Variants in PAM observed in about 807,000 individuals in gnomAD.
PAM encodes the protein peptidyl-glycine alpha-amidating monooxygenase.
In PAM, 72 loss-of-function variants were observed where a neutral mutation model predicts 122.1. The ratio of observed to expected loss-of-function variants is 0.59; its 90% CI spans 0.49 to 0.72. The LOEUF is 0.72. PAM is among the 30% of genes least tolerant of loss of function. The probability of loss-of-function intolerance (pLI) is 0.00; values close to 1 mark genes in which losing one functional copy is unlikely to be tolerated. For synonymous variants in PAM, 389 were observed against 404.4 expected, an observed-to-expected ratio of 0.96 and a Z score of 0.46; for missense variants, 1,106 against 1,183.7, an observed-to-expected ratio of 0.93 and a Z score of 0.96.
At chr5:102,961,040 G>C (rs970446405) in intron 13 of PAM, 118 bp from the exon 14 acceptor site, 1 of 486,016 alleles carries the variant, frequency 2.1e-6, no homozygotes, top group South Asian at 2.8e-5. Flanking sequence ...TTCTTAATAC[G>C]GTAATAAGCA....
At chr5:102,936,276 C>T (rs1753224801) in intron 7 of PAM, among the ~76,000 whole-genome samples, 1 of 151,996 alleles carries the variant, frequency 6.6e-6, no homozygotes, top group African/African-American at 2.4e-5. Flanking sequence ...ACAAATAGTG[C>T]AAGTCAAAGT....
intron 10 of PAM, 74 bp downstream of exon 10, chr5:102,949,691 G>T: frequency 1.2e-6 from 1 of 823,126 alleles, no homozygotes; most frequent in Non-Finnish European, 2.1e-6. Context: ...AATGCAAATT[G>T]TGTTTGACCT....
rs189368187 is a variant in PAM at position 102,769,621 on chromosome 5, A to G, written c.-374+14273A>G. ...TTATTAAAGAGACTGTCCTTTCCCC[A>G]ATGTTTGTTCTGGGCAACTTTGTTG... On this transcript the variant is annotated intron_variant, in intron 1 of 25. Coordinates refer to ENST00000438793, the MANE Select transcript of PAM (RefSeq NM_001177306.2). 1.5e-3 allele frequency among the ~76,000 whole-genome samples: 230 copies of G among 152,094 alleles called. 2 individuals are homozygous for G. The highest frequency in any genetic ancestry group is 3.0e-3 in the Admixed American group (46 of 15,266).
At chr5:102,953,707 T>C (rs114445938) in intron 12 of PAM, among the ~76,000 whole-genome samples, 4,036 of 152,202 alleles carry the variant, frequency 0.027, 186 homozygotes, top group African/African-American at 0.092. Flanking sequence ...GAATGTCAAA[T>C]ATTTCATGAT....
chr5:102,984,752 C>T (rs965035571), intron 15 of PAM, among the ~76,000 whole-genome samples: 4 of 152,140 alleles, frequency 2.6e-5, no homozygotes, highest in Non-Finnish European at 4.4e-5. Flanking sequence ...ATTTACAGAA[C>T]ATTTTATCTA....
Position 102,975,288 on chromosome 5 carries a change from G to C in PAM, c.1483+852G>C, listed in dbSNP as rs77320435. On this transcript the variant is annotated intron_variant, in intron 15 of 25. Coordinates refer to ENST00000438793, the MANE Select transcript of PAM (RefSeq NM_001177306.2). Reference sequence around the variant, plus strand: ...TTGGAATGGCACAGGCTGCCAGCTTGATGTTTTCAAATTCAGCTTTGTAGG... The same window carrying C: ...TTGGAATGGCACAGGCTGCCAGCTTCATGTTTTCAAATTCAGCTTTGTAGG... Among the ~76,000 whole-genome samples, 650 of 152,274 alleles carry C rather than the reference G, an allele frequency of 4.3e-3. 6 individuals carry two copies. The highest frequency in any genetic ancestry group is 0.014 in the African/African-American group (573 of 41,546).
intron 7 of PAM, among the ~76,000 whole-genome samples, chr5:102,936,129 G>A (rs1246914376): frequency 6.6e-6 from 1 of 152,054 alleles, no homozygotes; most frequent in Non-Finnish European, 1.5e-5. Flanking sequence ...CTGTGTGGTG[G>A]AAATACTACA....
chr5:103,030,379 T>A (rs1786084437), downstream of PAM: 1 of 152,218 alleles, frequency 6.6e-6, no homozygotes, highest in Non-Finnish European at 1.5e-5. Flanking sequence ...ACCAGATAAT[T>A]TTCCATTTTA....
intron 4 of PAM, among the ~76,000 whole-genome samples, chr5:102,903,109 T>C (rs1240063067): frequency 2.0e-5 from 3 of 151,624 alleles, no homozygotes; most frequent in Non-Finnish European, 4.4e-5. Flanking sequence ...TTAGGCACTT[T>C]TCTTCTAAGA....
At chr5:102,960,083 A>G (rs1562040490) in intron 13 of PAM, 24 bp downstream of exon 13, 1 of 1,274,238 alleles carries the variant, frequency 7.8e-7, no homozygotes, top group Non-Finnish European at 1.1e-6. Context: ...TTTAATATAA[A>G]GTAATATATG....
At chr5:102,958,424 C>T (rs1761473023) in intron 12 of PAM, among the ~76,000 whole-genome samples, 2 of 151,940 alleles carry the variant, frequency 1.3e-5, no homozygotes, top group East Asian at 1.9e-4. Context: ...GATAATATGG[C>T]GGGAGGCTCC....
chr5:102,949,672 A>C (rs1758141918), intron 10 of PAM, 55 bp downstream of exon 10: 2 of 888,816 alleles, frequency 2.3e-6, no homozygotes, highest in Non-Finnish European at 3.8e-6. Flanking sequence ...TCCTGGTGCC[A>C]TAAATTAAAA....
intron 1 of PAM, among the ~76,000 whole-genome samples, chr5:102,809,184 T>C (rs1767111570): frequency 6.6e-6 from 1 of 152,004 alleles, no homozygotes; most frequent in South Asian, 2.1e-4. Flanking sequence ...TTTCTTCTTC[T>C]TGATTCCCAA....
At chr5:103,019,140 CGG>C (rs113979430) in intron 22 of PAM, among the ~76,000 whole-genome samples, 2 of 151,604 alleles carry the variant, frequency 1.3e-5, no homozygotes, top group African/African-American at 4.9e-5. Context: ...GATTTACCTA[CGG>C]GGGGGGACTG....
intron 5 of PAM, among the ~76,000 whole-genome samples, chr5:102,924,289 C>G (rs533560856): frequency 6.6e-6 from 1 of 151,636 alleles, no homozygotes; most frequent in Non-Finnish European, 1.5e-5. Flanking sequence ...AAAAATTAGC[C>G]GGGCATGGTG....
At chr5:102,913,700 G>A (rs972776455) in intron 4 of PAM, among the ~76,000 whole-genome samples, 1 of 151,980 alleles carries the variant, frequency 6.6e-6, no homozygotes, top group African/African-American at 2.4e-5. Flanking sequence ...AAAAATGTGT[G>A]TGTGTGTATG....
chr5:102,966,367 T>C (rs1764085865), intron 14 of PAM, among the ~76,000 whole-genome samples: 1 of 152,156 alleles, frequency 6.6e-6, no homozygotes, highest in South Asian at 2.1e-4. Flanking sequence ...ATGGTAGTTA[T>C]GAAAACCATC....
At position 102,865,966 on chromosome 5, in the gene PAM, G is replaced by C. The variant is rs13168005; in HGVS notation, c.-230G>C. On this transcript the variant is annotated 5_prime_UTR_variant, in exon 2 of 26. Coordinates refer to ENST00000438793, the MANE Select transcript of PAM (RefSeq NM_001177306.2). The stretch of plus-strand genomic sequence containing the variant: ...GGAGGAAAGCTTCCGCCTGCGGGCC[G>C]GACAAAAGTCCCGCCTGCCCACGGC... 591 of 436,690 alleles carry C rather than the reference G, an allele frequency of 1.4e-3. 2 individuals are homozygous for C. The highest frequency in any genetic ancestry group is 0.01 in the South Asian group (222 of 21,582). The allele number at this position is 436,690 out of a possible 1,614,324, so 27.1% of individuals were successfully genotyped here. A position where few individuals can be genotyped will look rare whatever the true frequency, so the allele number is the denominator to read the frequency against.
chr5:102,837,142 G>T (rs1204908308), intron 1 of PAM, among the ~76,000 whole-genome samples: 1 of 152,122 alleles, frequency 6.6e-6, no homozygotes, highest in Non-Finnish European at 1.5e-5. Context: ...GATTGACATT[G>T]CCTAATATGC....
Sources: gnomAD v4.1 joint callset for allele counts (sites outside exome capture counted in the v4.1 genomes callset) on GRCh38, gnomAD v4.1.1 for gene constraint, MANE v1.5 for transcripts, NCBI Gene and HGNC (gene_info 2026-07-23, HGNC 2026-07-21) for gene names.